PTPN4: variants seen among roughly 807,000 people sequenced by gnomAD.
PTPN4 encodes protein tyrosine phosphatase non-receptor type 4, also known as tyrosine-protein phosphatase non-receptor type 4.
A neutral mutation model predicts 135.5 loss-of-function variants in PTPN4; 49 were observed. The observed-to-expected ratio is 0.36, with a 90% CI of 0.29 to 0.46. PTPN4 has a LOEUF of 0.46. Among genes scored for constraint, PTPN4 ranks in the 20% least tolerant of loss-of-function variants. The probability of loss-of-function intolerance (pLI) is 1.00; values close to 1 mark genes in which losing one functional copy is unlikely to be tolerated. For missense variants in PTPN4, 860 were observed against 1,101.0 expected, an observed-to-expected ratio of 0.78 and a Z score of 3.10; for synonymous variants, 333 against 369.9, an observed-to-expected ratio of 0.90 and a Z score of 1.14.
intron 1 of PTPN4, among the ~76,000 whole-genome samples, chr2:119,792,108 G>C (rs139354291): frequency 3.3e-5 from 5 of 152,194 alleles, no homozygotes; most frequent in African/African-American, 1.2e-4. Context: ...ATTAACAGTG[G>C]TAGAAAGTTC....
intron 1 of PTPN4, among the ~76,000 whole-genome samples, chr2:119,791,614 C>T (rs1691150305): frequency 6.6e-6 from 1 of 152,132 alleles, no homozygotes; most frequent in Non-Finnish European, 1.5e-5. Context: ...TATCATCCTA[C>T]TACCTTCTAA....
At chr2:119,839,646 C>A (rs895241504) in intron 2 of PTPN4, among the ~76,000 whole-genome samples, 1 of 152,126 alleles carries the variant, frequency 6.6e-6, no homozygotes, top group Non-Finnish European at 1.5e-5. Flanking sequence ...CCAAAGTGTT[C>A]AAGTATTTCT....
intron 2 of PTPN4, among the ~76,000 whole-genome samples, chr2:119,847,279 C>G (rs2941612): frequency 2.6e-5 from 2 of 77,174 alleles, no homozygotes; most frequent in African/African-American, 9.2e-5. Context: ...TCTATATACA[C>G]ACACACACAC....
Position 119,970,196 on chromosome 2 carries a change from A to T in PTPN4, c.2694+2224A>T, listed in dbSNP as rs555491070. 9.3e-4 allele frequency among the ~76,000 whole-genome samples: 141 copies of T among 152,102 alleles called. 1 individual carries two copies. Among genetic ancestry groups the T allele is most frequent in the African/African-American group, 3.3e-3 (137 of 41,492 alleles). ...TGCCTCAGCCTCCCGAGTAGCTGGG[A>T]TTACAGGCACCCGCAACCACGCCCA... On this transcript the variant is annotated intron_variant, in intron 26 of 26. Transcript: ENST00000263708.
chr2:119,893,007 A>G (rs1387884971), intron 9 of PTPN4, among the ~76,000 whole-genome samples: 1 of 152,030 alleles, frequency 6.6e-6, no homozygotes, highest in Non-Finnish European at 1.5e-5. Flanking sequence ...GGGACTGCAG[A>G]CATGAGCCAC....
chr2:119,809,125 A>C lies in PTPN4; in HGVS notation c.-17-712A>C, dbSNP rs62167251. 4.2e-3 allele frequency among the ~76,000 whole-genome samples: 640 copies of C among 151,992 alleles called. 1 individual carries two copies. Among genetic ancestry groups the C allele is most frequent in the Non-Finnish European group, 7.6e-3 (518 of 67,960 alleles). Reference sequence around the variant, plus strand: ...CCATGAATGTTAATTTTCTAGGTATATAAGTCAGTGTTTCAAAGAATTTTC... The same window carrying C: ...CCATGAATGTTAATTTTCTAGGTATCTAAGTCAGTGTTTCAAAGAATTTTC... On this transcript the variant is annotated intron_variant, in intron 1 of 26. Transcript: ENST00000263708.
chr2:119,884,902 G>A (rs1678133355), intron 8 of PTPN4, among the ~76,000 whole-genome samples: 1 of 151,976 alleles, frequency 6.6e-6, no homozygotes, highest in African/African-American at 2.4e-5. Context: ...CTTTGTTTTT[G>A]TAATTTGCTG....
chr2:119,911,624 T>C (rs1159396806), intron 10 of PTPN4, among the ~76,000 whole-genome samples: 4 of 152,068 alleles, frequency 2.6e-5, no homozygotes, highest in Non-Finnish European at 5.9e-5. Context: ...TCTTCAGCTT[T>C]GTACACCAGG....
intron 1 of PTPN4, among the ~76,000 whole-genome samples, chr2:119,769,340 T>C (rs1447876509): frequency 6.6e-6 from 1 of 152,196 alleles, no homozygotes; most frequent in African/African-American, 2.4e-5. Context: ...GGTTTTCCAG[T>C]GTGTTCAGGC....
chr2:119,831,735 A>T (rs1390221348), intron 2 of PTPN4, among the ~76,000 whole-genome samples: 1 of 152,200 alleles, frequency 6.6e-6, no homozygotes, highest in Non-Finnish European at 1.5e-5. Context: ...ATCTACCTAT[A>T]TCATTATATT....
chr2:119,782,709 C>A lies in PTPN4; in HGVS notation c.-18+22325C>A, dbSNP rs113614106. ...TGTGTTAGGCTATGAAACCCCCCCACCCCCCTTTTTTTTTTTGAGACGACC... is the reference window on the plus strand; with the variant it reads ...TGTGTTAGGCTATGAAACCCCCCCAACCCCCTTTTTTTTTTTGAGACGACC... On this transcript the variant is annotated intron_variant, in intron 1 of 26. Transcript: ENST00000263708. Among the ~76,000 whole-genome samples, 4 of 116,256 alleles carry A rather than the reference C, an allele frequency of 3.4e-5. No homozygotes were observed. In the East Asian group the frequency reaches 1.1e-3, roughly 31 times the overall value. 76.3% of individuals were successfully genotyped at this position (116,256 alleles called of 152,430 possible).
intron 19 of PTPN4, among the ~76,000 whole-genome samples, chr2:119,954,507 CTACA>C (rs1679252239): frequency 6.6e-6 from 1 of 152,152 alleles, no homozygotes; most frequent in Non-Finnish European, 1.5e-5. Flanking sequence ...GGCTAAGAGG[CTACA>C]GTTTGTGGAG....
At chr2:119,940,609 C>T (rs1679047095) in intron 15 of PTPN4, among the ~76,000 whole-genome samples, 2 of 152,100 alleles carry the variant, frequency 1.3e-5, no homozygotes, top group African/African-American at 2.4e-5. Flanking sequence ...GTATACACCA[C>T]CATCCCCAGT....
intron 1 of PTPN4, among the ~76,000 whole-genome samples, chr2:119,772,705 T>C (rs903321068): frequency 2.6e-5 from 4 of 152,150 alleles, no homozygotes; most frequent in Non-Finnish European, 5.9e-5. Flanking sequence ...ACCCAGCTAA[T>C]TTTTTATATT....
chr2:119,956,906 CAA>C lies in PTPN4; in HGVS notation c.2047_2048del (p.Asn683Ter). The C allele has an allele frequency of 6.2e-7, 1 of 1,608,212 alleles. No individual in the cohort carries two copies. The highest frequency in any genetic ancestry group is 8.5e-7 in the Non-Finnish European group (1 of 1,178,650). On this transcript the variant is annotated frameshift_variant, in exon 21 of 27. Transcript: ENST00000263708. LOFTEE classifies it high-confidence loss of function. ...SCAKLPQNIS[K>X]NRYRDISPYD... Reference sequence around the variant, plus strand: ...GTGCCAAATTACCTCAGAATATTTCCAAAAATAGATACAGAGATATTTCGCCT... The same window carrying C: ...GTGCCAAATTACCTCAGAATATTTCCAAATAGATACAGAGATATTTCGCCT...
intron 1 of PTPN4, among the ~76,000 whole-genome samples, chr2:119,777,014 C>T (rs1252385699): frequency 6.6e-6 from 1 of 152,182 alleles, no homozygotes; most frequent in Admixed American, 6.5e-5. Context: ...TTAACGGCTT[C>T]CATTCTTTCT....
chr2:119,891,990 G>A (rs992754102), intron 9 of PTPN4, among the ~76,000 whole-genome samples: 2 of 152,174 alleles, frequency 1.3e-5, no homozygotes, highest in African/African-American at 2.4e-5. Flanking sequence ...CATAGACTTC[G>A]ATTCTGGCTG....
rs988925215 is a variant in PTPN4 at position 119,981,544 on chromosome 2, T to C, written c.*4474T>C. ...TGTAGCAACCATTTTATAAAACTCT[T>C]AGAGAATTATGTAGATAAAATGGAA... On this transcript the variant is annotated 3_prime_UTR_variant, in exon 27 of 27. Transcript: ENST00000263708. The C allele has an allele frequency of 1.3e-5, 2 of 152,114 alleles. No homozygotes were observed. Among genetic ancestry groups the C allele is most frequent in the African/African-American group, 4.8e-5 (2 of 41,444 alleles). 9.4% of individuals were successfully genotyped at this position (152,114 alleles called of 1,614,324 possible).
At position 119,983,424 on chromosome 2, in the gene PTPN4, A is replaced by G. The variant is rs1163496855; in HGVS notation, c.*6354A>G. 6.6e-6 allele frequency: 1 copy of G among 152,186 alleles called. No homozygotes were observed. The highest frequency in any genetic ancestry group is 1.9e-4 in the East Asian group (1 of 5,204). 9.4% of individuals were successfully genotyped at this position (152,186 alleles called of 1,614,324 possible). ...TTTTTAGTTTCTACTCCTGAATTGTAGTGTTCAAGTTATTTGCCTTCCTGG... is the reference window on the plus strand; with the variant it reads ...TTTTTAGTTTCTACTCCTGAATTGTGGTGTTCAAGTTATTTGCCTTCCTGG... On this transcript the variant is annotated 3_prime_UTR_variant, in exon 27 of 27. Coordinates refer to ENST00000263708, the MANE Select transcript of PTPN4 (RefSeq NM_002830.4).
Sources: gnomAD v4.1 joint callset for allele counts (sites outside exome capture counted in the v4.1 genomes callset) on GRCh38, gnomAD v4.1.1 for gene constraint, MANE v1.5 for transcripts, NCBI Gene and HGNC (gene_info 2026-07-23, HGNC 2026-07-21) for gene names.